The following EBI3 variants were observed in gnomAD, a reference collection of about 807,000 sequenced individuals.
EBI3 encodes the protein interleukin-27 subunit beta.
EBI3 carries 19 observed loss-of-function variants against 21.3 expected under a neutral mutation model. The observed-to-expected ratio is 0.89, with a 90% CI of 0.62 to 1.31. The LOEUF is 1.31. EBI3 is among the 50% of genes most tolerant of loss of function. The pLI is 0.00. For missense variants in EBI3, 331 were observed against 314.0 expected (o/e 1.05, Z -0.41); for synonymous variants, 154 against 131.2 (o/e 1.17, Z -1.19).
At chr19:4,233,094 T>C (rs781129353) in intron 2 of EBI3, 35 bp from the exon 3 acceptor site, 34 of 1,521,374 alleles carry the variant, frequency 2.2e-5, no homozygotes, top group Non-Finnish European at 2.9e-5. Context: ...CCACAGGCAC[T>C]CCCTGAGGCG....
rs1599486445 is a variant in EBI3, at chr19:4,230,877, T to A, written c.68-314T>A. Among the ~76,000 whole-genome samples the A allele has an allele frequency of 1.3e-4, 18 of 143,482 alleles. No homozygotes were observed. The South Asian group carries it at 2.9e-3, about 23-fold the overall frequency. The allele number at this position is 143,482 out of a possible 152,430, so 94.1% of individuals were successfully genotyped here. Reference sequence around the variant, plus strand: ...AGGCGACAGAGGGAGACTCCCTCTTTAAAAAAAAAAAACAATTACAAAAGA... The same window carrying A: ...AGGCGACAGAGGGAGACTCCCTCTTAAAAAAAAAAAAACAATTACAAAAGA... On this transcript the variant is annotated intron_variant, in intron 1 of 4. Transcript: ENST00000221847.
intron 3 of EBI3, among the ~76,000 whole-genome samples, chr19:4,233,911 A>C (rs1334259711): frequency 6.6e-6 from 1 of 152,138 alleles, no homozygotes; most frequent in Non-Finnish European, 1.5e-5. Flanking sequence ...ATTATTAAAA[A>C]TTGCAAGCTC....
chr19:4,233,338 G>A (rs373127302), intron 3 of EBI3, 31 bp downstream of exon 3: 67 of 1,539,476 alleles, frequency 4.4e-5, no homozygotes, highest in East Asian at 2.6e-4. Flanking sequence ...GGGCGGGGGC[G>A]GGGCTGCCGT....
chr19:4,232,030 C>A (rs142419978), intron 2 of EBI3, among the ~76,000 whole-genome samples: 7,705 of 151,490 alleles, frequency 0.051, 669 homozygotes, highest in African/African-American at 0.18. Flanking sequence ...ATGGAGACCA[C>A]CCTGGCGAAC....
At chr19:4,232,041 A>T (rs1163264482) in intron 2 of EBI3, among the ~76,000 whole-genome samples, 1 of 151,806 alleles carries the variant, frequency 6.6e-6, no homozygotes, top group African/African-American at 2.4e-5. Context: ...CCTGGCGAAC[A>T]CGGTGAAACC....
At position 4,237,059 on chromosome 19, in the gene EBI3, G is replaced by A. The variant is rs539048063; in HGVS notation, c.661G>A (p.Ala221Thr). 1.5e-5 allele frequency: 23 copies of A among 1,559,460 alleles called. 1 individual carries two copies. Among genetic ancestry groups the A allele is most frequent in the South Asian group, 1.2e-4 (10 of 85,640 alleles). ...YGELSDWSLP[A>T]TATMSLGK ...GGAACTGAGTGACTGGAGTCTCCCC[G>A]CCACTGCCACAATGAGCCTGGGCAA... The change falls in exon 5 of 5, where the codon GCC becomes ACC. Residue 221 changes from alanine to threonine, a missense_variant. Physicochemically the swap from Ala to Thr is moderately conservative, Grantham distance 58. Transcript: ENST00000221847.
intron 3 of EBI3, among the ~76,000 whole-genome samples, chr19:4,233,883 A>G (rs1970813793): frequency 6.6e-6 from 1 of 152,112 alleles, no homozygotes; most frequent in Non-Finnish European, 1.5e-5. Flanking sequence ...CCTCCTCAGT[A>G]AGACCTCTCC....
In EBI3 at chr19:4,229,632, T is replaced by TG. The variant is rs766660934; in HGVS notation, c.67+20dup. 7 of 1,595,322 alleles carry TG rather than the reference T, an allele frequency of 4.4e-6. No homozygotes were observed. The highest frequency in any genetic ancestry group is 2.3e-5 in the South Asian group (2 of 88,218). On this transcript the variant is annotated intron_variant, in intron 1 of 4. Coordinates refer to ENST00000221847, the MANE Select transcript of EBI3 (RefSeq NM_005755.3). ...TGGAAGGAAAGGTATGTGGGGCCCC[T>TG]GGGGGACTGGGGGGCCCAGGCAGAC...
chr19:4,232,728 GAATGAATGAATGAAGGGATGAATT>G (rs879869679), intron 2 of EBI3, among the ~76,000 whole-genome samples: 8,604 of 148,568 alleles, frequency 0.058, 467 homozygotes, highest in South Asian at 0.27. Flanking sequence ...TGTCATGAAT[GAATGAATGAATGAAGGGATGAATT>G]AATGAATGAA....
At chr19:4,233,575 G>A (rs1268063350) in intron 3 of EBI3, among the ~76,000 whole-genome samples, 3 of 151,880 alleles carry the variant, frequency 2.0e-5, no homozygotes, top group Admixed American at 1.3e-4. Context: ...GTCAGGGCAC[G>A]TCCCTCTGCC....
chr19:4,231,147 A>G (rs776254726), intron 1 of EBI3, 44 bp from the exon 2 acceptor site: 43 of 1,521,908 alleles, frequency 2.8e-5, no homozygotes, highest in Non-Finnish European at 3.6e-5. Flanking sequence ...GGCTATGACA[A>G]TCTGGGGGTA....
chr19:4,231,783 A>C (rs1046875978), intron 2 of EBI3, among the ~76,000 whole-genome samples: 4 of 151,192 alleles, frequency 2.6e-5, no homozygotes, highest in African/African-American at 9.7e-5. Flanking sequence ...AAAAAAAAAA[A>C]AAAAACTACT....
chr19:4,236,518 C>CAAAAAAAAAAAAAAAAAAAA lies in EBI3; in HGVS notation c.538-412_538-393dup, dbSNP rs4009634. ...CCTGGGCAACAGAGTAAGACTGTCT[C>CAAAAAAAAAAAAAAAAAAAA]AAAAAAAAAAAAAAAAAAAAAAAAA... On this transcript the variant is annotated intron_variant, in intron 4 of 4. Coordinates refer to ENST00000221847, the MANE Select transcript of EBI3 (RefSeq NM_005755.3). 5.2e-4 allele frequency among the ~76,000 whole-genome samples: 16 copies of CAAAAAAAAAAAAAAAAAAAA among 30,508 alleles called. 3 individuals are homozygous for CAAAAAAAAAAAAAAAAAAAA. Among genetic ancestry groups the CAAAAAAAAAAAAAAAAAAAA allele is most frequent in the East Asian group, 4.9e-3 (3 of 616 alleles). 20.0% of individuals were successfully genotyped at this position (30,508 alleles called of 152,430 possible). A position where few individuals can be genotyped will look rare whatever the true frequency, so the allele number is the denominator to read the frequency against.
chr19:4,234,707 C>T lies in EBI3; in HGVS notation c.420C>T (p.Leu140=), dbSNP rs529741207. ...DPPEGVRLSP[L]AERQLQVQWE... Reference sequence around the variant, plus strand: ...CAGAAGGCGTGCGCCTAAGCCCCCTCGCTGAGCGCCAGCTACAGGTGCAGT... The same window carrying T: ...CAGAAGGCGTGCGCCTAAGCCCCCTTGCTGAGCGCCAGCTACAGGTGCAGT... The change falls in exon 4 of 5, where the codon CTC becomes CTT. Residue 140 remains leucine, a synonymous_variant. Transcript: ENST00000221847. The T allele has an allele frequency of 1.7e-5, 28 of 1,614,146 alleles. No individual in the cohort carries two copies. The highest frequency in any genetic ancestry group is 1.5e-4 in the African/African-American group (11 of 75,072).
At chr19:4,230,214 G>A (rs147206717) in intron 1 of EBI3, among the ~76,000 whole-genome samples, 10 of 152,192 alleles carry the variant, frequency 6.6e-5, no homozygotes, top group African/African-American at 1.4e-4. Context: ...GTGAGCCACC[G>A]CGCCCGGCCG....
intron 3 of EBI3, 47 bp from the exon 4 acceptor site, chr19:4,234,620 T>A: frequency 6.3e-7 from 1 of 1,579,996 alleles, no homozygotes; most frequent in Non-Finnish European, 8.6e-7. Flanking sequence ...AATGAATGAA[T>A]GACTGGACTT....
At chr19:4,234,567 C>A in intron 3 of EBI3, 100 bp from the exon 4 acceptor site, 1 of 1,507,364 alleles carries the variant, frequency 6.6e-7, no homozygotes, top group Non-Finnish European at 8.9e-7. Context: ...CGTTTCAAAA[C>A]AAACAAAATA....
At chr19:4,236,895 A>G (rs1324747612) in intron 4 of EBI3, 41 bp from the exon 5 acceptor site, 2 of 1,468,404 alleles carry the variant, frequency 1.4e-6, no homozygotes, top group East Asian at 5.1e-5. Flanking sequence ...GCCCCTCTCC[A>G]TCTTCTGGTT....
rs997891183 is a variant in EBI3, at chr19:4,237,518, T to C, written c.*430T>C. 1 of 152,204 alleles carries C rather than the reference T, an allele frequency of 6.6e-6. No individual in the cohort carries two copies. The highest frequency in any genetic ancestry group is 2.4e-5 in the African/African-American group (1 of 41,408). The allele number at this position is 152,204 out of a possible 1,614,324, so 9.4% of individuals were successfully genotyped here. A position where few individuals can be genotyped will look rare whatever the true frequency, so the allele number is the denominator to read the frequency against. ...CCCATCTCTAAAAAATTAATATAAA[T>C]ATAAAATAAATTAGCCAGGTGTGAT... On this transcript the variant is annotated 3_prime_UTR_variant, in exon 5 of 5. Coordinates refer to ENST00000221847, the MANE Select transcript of EBI3 (RefSeq NM_005755.3).
Sources: allele counts gnomAD v4.1 joint callset (sites outside exome capture counted in the v4.1 genomes callset), GRCh38; gene constraint gnomAD v4.1.1; transcripts MANE v1.5; gene names NCBI Gene and HGNC (gene_info 2026-07-23, HGNC 2026-07-21).